GALNT13: variants seen among roughly 807,000 people sequenced by gnomAD.
GALNT13 encodes the protein UDP-GalNAc:polypeptide N-acetylgalactosaminyltransferase 13.
GALNT13 carries 28 observed loss-of-function variants against 64.2 expected under a neutral mutation model. That is an observed-to-expected ratio of 0.44 (90% CI 0.32 to 0.60). GALNT13 has a LOEUF of 0.60. Among genes scored for constraint, GALNT13 ranks in the 20% least tolerant of loss-of-function variants. The probability of loss-of-function intolerance (pLI) is 0.05; values close to 1 mark genes in which losing one functional copy is unlikely to be tolerated. For missense variants in GALNT13, 577 were observed against 669.8 expected, an observed-to-expected ratio of 0.86 and a Z score of 1.53; for synonymous variants, 214 against 224.6, an observed-to-expected ratio of 0.95 and a Z score of 0.42.
Position 154,450,800 on chromosome 2 carries a change from A to G in GALNT13, c.*249A>G, listed in dbSNP as rs1021810840. The G allele has an allele frequency of 4.9e-5, 17 of 347,764 alleles. No homozygotes were observed. The highest frequency in any genetic ancestry group is 3.6e-4 in the African/African-American group (17 of 47,456). The allele number at this position is 347,764 out of a possible 1,614,324, so 21.5% of individuals were successfully genotyped here. A position where few individuals can be genotyped will look rare whatever the true frequency, so the allele number is the denominator to read the frequency against. On this transcript the variant is annotated 3_prime_UTR_variant, in exon 13 of 13. Coordinates refer to ENST00000392825, the MANE Select transcript of GALNT13 (RefSeq NM_052917.4). ...AAACAACAGAACAACTTGTAAAACA[A>G]ATTGTGTTTGCTTTAAGAAAAATGT...
At chr2:153,378,311 A>AT in the GALNT13 span, among the ~76,000 whole-genome samples, 251 of 127,474 alleles carry the variant, frequency 2.0e-3, 1 homozygote, top group African/African-American at 7.8e-3. Flanking sequence ...TAGATAGATA[A>AT]TTTTTTTTTT....
the GALNT13 span, among the ~76,000 whole-genome samples, chr2:153,823,902 C>A: frequency 0.088 from 13,344 of 152,036 alleles, 768 homozygotes; most frequent in African/African-American, 0.16. Flanking sequence ...TCAATAAGAA[C>A]CTTAAACAAT....
intron 2 of GALNT13, among the ~76,000 whole-genome samples, chr2:153,943,253 T>C (rs1017045855): frequency 6.6e-6 from 1 of 152,156 alleles, no homozygotes; most frequent in Non-Finnish European, 1.5e-5. Flanking sequence ...ATCTTTGTTA[T>C]AGCCTTTAAA....
intron 4 of GALNT13, among the ~76,000 whole-genome samples, chr2:154,233,111 A>T (rs1689017390): frequency 6.6e-6 from 1 of 151,946 alleles, no homozygotes; most frequent in African/African-American, 2.4e-5. Context: ...TGTAAGGATT[A>T]TCTTTTCTGT....
chr2:153,306,896 T>C, the GALNT13 span, among the ~76,000 whole-genome samples: 2 of 152,124 alleles, frequency 1.3e-5, no homozygotes, highest in African/African-American at 4.8e-5. Context: ...ACCACCGTGC[T>C]CAGCTAATTT....
At chr2:154,091,995 C>A (rs1480931372) in intron 3 of GALNT13, among the ~76,000 whole-genome samples, 1 of 149,586 alleles carries the variant, frequency 6.7e-6, no homozygotes, top group Non-Finnish European at 1.5e-5. Flanking sequence ...TAGGCAAAAG[C>A]CCCATCTGGC....
chr2:154,117,968 A>T (rs1301410293), intron 3 of GALNT13, among the ~76,000 whole-genome samples: 2 of 152,200 alleles, frequency 1.3e-5, no homozygotes, highest in Non-Finnish European at 2.9e-5. Flanking sequence ...TGCAGTCTTT[A>T]GAAGAATTTG....
chr2:153,845,868 A>T, the GALNT13 span, among the ~76,000 whole-genome samples: 2 of 152,188 alleles, frequency 1.3e-5, no homozygotes, highest in Admixed American at 1.3e-4. Context: ...AAAAATGTGT[A>T]TTATTTTCAA....
the GALNT13 span, among the ~76,000 whole-genome samples, chr2:153,184,950 T>A: frequency 1.3e-5 from 2 of 152,190 alleles, no homozygotes; most frequent in African/African-American, 4.8e-5. Flanking sequence ...CTGCCAGGTT[T>A]TGGTATCAGA....
chr2:153,847,381 C>T, the GALNT13 span, among the ~76,000 whole-genome samples: 1 of 123,242 alleles, frequency 8.1e-6, no homozygotes, highest in East Asian at 2.0e-4. Flanking sequence ...AACAGTTTGA[C>T]AAATATATGT....
the GALNT13 span, among the ~76,000 whole-genome samples, chr2:153,187,808 A>G: frequency 6.6e-6 from 1 of 152,220 alleles, no homozygotes; most frequent in Non-Finnish European, 1.5e-5. Flanking sequence ...GATTCTGTAT[A>G]CTTGGAGCTG....
At chr2:154,283,812 A>G (rs1469968069) in intron 8 of GALNT13, among the ~76,000 whole-genome samples, 1 of 152,150 alleles carries the variant, frequency 6.6e-6, no homozygotes, top group African/African-American at 2.4e-5. Flanking sequence ...TGAGAACTCA[A>G]TGGGGTGATA....
intron 4 of GALNT13, among the ~76,000 whole-genome samples, chr2:154,196,537 A>T (rs899646052): frequency 1.3e-5 from 2 of 152,218 alleles, no homozygotes; most frequent in African/African-American, 4.8e-5. Flanking sequence ...CAGCATAAAG[A>T]TAGAAATAAA....
At chr2:154,437,493 A>C in intron 11 of GALNT13, 3 of 1,224,486 alleles carry the variant, frequency 2.5e-6, no homozygotes, top group South Asian at 2.7e-5. Context: ...AGAAAGAAAA[A>C]CCCACAGAAT....
At chr2:153,099,408 A>G in the GALNT13 span, among the ~76,000 whole-genome samples, 1 of 152,184 alleles carries the variant, frequency 6.6e-6, no homozygotes, top group East Asian at 1.9e-4. Flanking sequence ...CATAACTCAA[A>G]TGTACACAAG....
At chr2:153,159,756 G>A in the GALNT13 span, 1 of 152,204 alleles carries the variant, frequency 6.6e-6, no homozygotes, top group African/African-American at 2.4e-5. Context: ...TATCCCAATT[G>A]AGACAGCTAA....
chr2:153,725,335 T>C, the GALNT13 span, among the ~76,000 whole-genome samples: 23 of 151,526 alleles, frequency 1.5e-4, no homozygotes, highest in African/African-American at 4.1e-4. Context: ...AGGGATAGCA[T>C]TGGGAGATAT....
At chr2:153,884,604 C>T (rs930109724) in intron 1 of GALNT13, among the ~76,000 whole-genome samples, 1 of 151,228 alleles carries the variant, frequency 6.6e-6, no homozygotes, top group Non-Finnish European at 1.5e-5. Context: ...TATAACATGT[C>T]ATTTAAGTTC....
At chr2:153,294,328 C>T in the GALNT13 span, among the ~76,000 whole-genome samples, 1 of 152,198 alleles carries the variant, frequency 6.6e-6, no homozygotes, top group African/African-American at 2.4e-5. Context: ...ACTCACCAAC[C>T]AGCTGAGTTC....
Sources: allele counts gnomAD v4.1 joint callset (sites outside exome capture counted in the v4.1 genomes callset), GRCh38; gene constraint gnomAD v4.1.1; transcripts MANE v1.5; gene names NCBI Gene and HGNC (gene_info 2026-07-23, HGNC 2026-07-21).